Variants in CCDC171 observed in about 807,000 individuals in gnomAD.
CCDC171 encodes coiled-coil domain containing 171, also known as coiled-coil domain-containing protein 171.
In CCDC171, 177 loss-of-function variants were observed where a neutral mutation model predicts 168.2. That is an observed-to-expected ratio of 1.05 (90% CI 0.93 to 1.19). The LOEUF (loss-of-function observed/expected upper bound fraction) is 1.19. CCDC171 is among the 50% of genes most tolerant of loss of function. The pLI is 0.00. For missense variants in CCDC171, 1,991 were observed against 1,539.0 expected, an observed-to-expected ratio of 1.29 and a Z score of -4.91; for synonymous variants, 687 against 540.8, an observed-to-expected ratio of 1.27 and a Z score of -3.75.
At chr9:15,810,826 G>A (rs2059320277) in intron 21 of CCDC171, among the ~76,000 whole-genome samples, 1 of 152,222 alleles carries the variant, frequency 6.6e-6, no homozygotes, top group Admixed American at 6.5e-5. Flanking sequence ...GCTTCAGCAT[G>A]GGCCGGCCCA....
Position 15,778,784 on chromosome 9 carries a change from T to A in CCDC171, c.2899-184T>A, listed in dbSNP as rs373965551. Among the ~76,000 whole-genome samples, 238 of 152,288 alleles carry A rather than the reference T, an allele frequency of 1.6e-3. 2 individuals carry two copies. The highest frequency in any genetic ancestry group is 5.6e-3 in the African/African-American group (231 of 41,558). On this transcript the variant is annotated intron_variant, in intron 19 of 25. Transcript: ENST00000380701. ...ATCTAGATTATTTCTTTTCTCCAGA[T>A]GTTCATTTTTCATAAGCCAAATTAT...
intron 7 of CCDC171, among the ~76,000 whole-genome samples, chr9:15,650,166 G>A (rs923787583): frequency 5.9e-5 from 9 of 152,052 alleles, no homozygotes; most frequent in Non-Finnish European, 7.4e-5. Flanking sequence ...ACCAAACACC[G>A]CATGTTCTCA....
the CCDC171 span, among the ~76,000 whole-genome samples, chr9:16,099,252 G>T: frequency 2.0e-5 from 3 of 152,176 alleles, no homozygotes; most frequent in Admixed American, 1.3e-4. Flanking sequence ...CTTCTTAGGA[G>T]CCTTGGTCTG....
At chr9:15,582,521 G>T (rs1407096622) in intron 4 of CCDC171, among the ~76,000 whole-genome samples, 2 of 152,064 alleles carry the variant, frequency 1.3e-5, no homozygotes, top group Non-Finnish European at 2.9e-5. Context: ...CAAAGACTTG[G>T]AACCAACCCA....
chr9:15,901,881 T>A (rs907839928), intron 24 of CCDC171, among the ~76,000 whole-genome samples: 2 of 152,228 alleles, frequency 1.3e-5, no homozygotes, highest in Admixed American at 1.3e-4. Context: ...TTTTACATAG[T>A]ACAGTCTTTA....
intron 18 of CCDC171, among the ~76,000 whole-genome samples, chr9:15,747,131 C>G (rs553943591): frequency 3.3e-4 from 51 of 152,282 alleles, no homozygotes; most frequent in African/African-American, 1.2e-3. Flanking sequence ...CAGTGTAAAC[C>G]AAGTTGCCGG....
chr9:15,997,577 AG>A (rs1178307747), intron 3 of CCDC171, among the ~76,000 whole-genome samples: 2 of 151,746 alleles, frequency 1.3e-5, no homozygotes, highest in East Asian at 3.9e-4. Flanking sequence ...AATTTACCAG[AG>A]GGAGTTTAGG....
chr9:15,676,868 A>G (rs1214109238), intron 9 of CCDC171, among the ~76,000 whole-genome samples: 1 of 152,164 alleles, frequency 6.6e-6, no homozygotes, highest in Non-Finnish European at 1.5e-5. Flanking sequence ...TGGAAACTTA[A>G]CACAGAGTGG....
intron 6 of CCDC171, among the ~76,000 whole-genome samples, chr9:15,607,191 A>G (rs2043290732): frequency 6.6e-6 from 1 of 152,200 alleles, no homozygotes; most frequent in South Asian, 2.1e-4. Context: ...AATACCATTA[A>G]TGTAACAAAT....
At chr9:15,637,786 A>G (rs1040688993) in intron 7 of CCDC171, among the ~76,000 whole-genome samples, 1 of 152,014 alleles carries the variant, frequency 6.6e-6, no homozygotes, top group African/African-American at 2.4e-5. Flanking sequence ...ATGTCCCTAC[A>G]AAGGACATGA....
chr9:15,775,876 G>GCCCA (rs1423212077), intron 18 of CCDC171, among the ~76,000 whole-genome samples: 1 of 152,090 alleles, frequency 6.6e-6, no homozygotes, highest in African/African-American at 2.4e-5. Flanking sequence ...TGCTGGGCTG[G>GCCCA]CCCAGTGAAG....
At chr9:15,997,422 T>A (rs1452687589) in intron 3 of CCDC171, among the ~76,000 whole-genome samples, 1 of 152,184 alleles carries the variant, frequency 6.6e-6, no homozygotes, top group Non-Finnish European at 1.5e-5. Context: ...TTAACGGCAC[T>A]TTTTGCAGCT....
intron 10 of CCDC171, among the ~76,000 whole-genome samples, chr9:15,694,704 T>A (rs150836698): frequency 1.5e-3 from 221 of 152,326 alleles, no homozygotes; most frequent in African/African-American, 5.1e-3. Flanking sequence ...TTTACTAAAG[T>A]CTGGCCATTC....
chr9:15,645,074 G>C (rs1476456211), intron 7 of CCDC171, among the ~76,000 whole-genome samples: 4 of 152,210 alleles, frequency 2.6e-5, no homozygotes, highest in Non-Finnish European at 5.9e-5. Context: ...CAGCAACATT[G>C]GCTGTTCAGC....
At chr9:15,723,571 A>C in intron 12 of CCDC171, 110 bp from the exon 13 acceptor site, 1 of 697,656 alleles carries the variant, frequency 1.4e-6, no homozygotes, top group South Asian at 1.8e-5. Context: ...TATTTAAGTA[A>C]TTGCATAAAA....
chr9:15,930,776 G>T (rs1335677235), intron 25 of CCDC171, among the ~76,000 whole-genome samples: 2 of 151,526 alleles, frequency 1.3e-5, no homozygotes, highest in Non-Finnish European at 3.0e-5. Flanking sequence ...ATGAATCAAA[G>T]ACCTATTTAT....
chr9:15,874,648 G>A lies in CCDC171; in HGVS notation c.3585G>A (p.Glu1195=). Reference sequence around the variant, plus strand: ...TGGAGGGGCTCAAGGGCGGGCCAGAGGTGGTAGCATGCCAGGTTAGAGTCT... The same window carrying A: ...TGGAGGGGCTCAAGGGCGGGCCAGAAGTGGTAGCATGCCAGGTTAGAGTCT... The part of the protein sequence containing the change: ...FAMEGLKGGP[E]VVACQAMIKS... The change falls in exon 24 of 26, where the codon GAG becomes GAA. Residue 1195 remains glutamate (E), a synonymous_variant. Coordinates refer to ENST00000380701, the MANE Select transcript of CCDC171 (RefSeq NM_173550.4). 6.3e-7 allele frequency: 1 copy of A among 1,584,170 alleles called. No homozygotes were observed. Among genetic ancestry groups the A allele is most frequent in the Non-Finnish European group, 8.6e-7 (1 of 1,165,142 alleles).
chr9:15,866,812 G>A (rs930612182), intron 23 of CCDC171, among the ~76,000 whole-genome samples: 9 of 152,026 alleles, frequency 5.9e-5, no homozygotes, highest in Non-Finnish European at 1.0e-4. Context: ...AAGTCCTTGA[G>A]GGATGGAATT....
intron 11 of CCDC171, among the ~76,000 whole-genome samples, chr9:15,710,893 G>A (rs1335571519): frequency 6.6e-6 from 1 of 152,122 alleles, no homozygotes; most frequent in Non-Finnish European, 1.5e-5. Flanking sequence ...CACCGTACCC[G>A]GCCTTCTGTC....
Sources: allele counts gnomAD v4.1 joint callset (sites outside exome capture counted in the v4.1 genomes callset), GRCh38; gene constraint gnomAD v4.1.1; transcripts MANE v1.5; gene names NCBI Gene and HGNC (gene_info 2026-07-23, HGNC 2026-07-21).